The following TRPM7 variants were observed in gnomAD, a reference collection of about 807,000 sequenced individuals.
TRPM7 encodes LTRPC ion channel family member 7.
Under a neutral mutation model 229.7 loss-of-function variants are expected in TRPM7, and 134 were observed. That is an observed-to-expected ratio of 0.58 (90% confidence interval 0.51 to 0.67). TRPM7 has a LOEUF of 0.67. Among genes scored for constraint, TRPM7 ranks in the 30% least tolerant of loss-of-function variants. TRPM7 has a pLI of 0.00. For synonymous variants in TRPM7, 699 were observed against 715.2 expected (o/e 0.98, Z 0.36); for missense variants, 1,901 against 2,210.0 (o/e 0.86, Z 2.80).
At chr15:50,645,880 C>T (rs2061248147) in intron 4 of TRPM7, among the ~76,000 whole-genome samples, 1 of 152,056 alleles carries the variant, frequency 6.6e-6, no homozygotes, top group Admixed American at 6.6e-5. Context: ...GGTGGCCGGG[C>T]ATGGTGGCTC....
intron 3 of TRPM7, among the ~76,000 whole-genome samples, chr15:50,652,741 C>T (rs1044335354): frequency 6.6e-6 from 1 of 151,962 alleles, no homozygotes; most frequent in African/African-American, 2.4e-5. Flanking sequence ...TAAAACCAGC[C>T]CGTAATTCCA....
Position 50,633,116 on chromosome 15 carries a change from T to G in TRPM7, c.1008-124A>C, listed in dbSNP as rs183221286. On this transcript the variant is annotated intron_variant, in intron 8 of 38. Coordinates refer to ENST00000646667, the MANE Select transcript of TRPM7 (RefSeq NM_017672.6). ...TGGATTAATATTACATACTTCACCT[T>G]GGGTGGGATTATTTCTTCCTACATG... 199 of 775,396 alleles carry G rather than the reference T, an allele frequency of 2.6e-4. 1 individual carries two copies. The African/African-American group carries it at 3.2e-3, about 12-fold the overall frequency. 48.0% of individuals were successfully genotyped at this position (775,396 alleles called of 1,614,324 possible).
At chr15:50,664,521 A>G (rs1048227245) in intron 1 of TRPM7, among the ~76,000 whole-genome samples, 1 of 152,186 alleles carries the variant, frequency 6.6e-6, no homozygotes, top group East Asian at 1.9e-4. Flanking sequence ...ACAAACGTTA[A>G]ATCTGCCAGA....
chr15:50,603,462 C>T (rs773188520), intron 21 of TRPM7, among the ~76,000 whole-genome samples: 3 of 151,796 alleles, frequency 2.0e-5, no homozygotes, highest in African/African-American at 4.8e-5. Flanking sequence ...CCCTGCCCCC[C>T]ACCCCATGAC....
chr15:50,651,883 T>G (rs1048358267), intron 3 of TRPM7, among the ~76,000 whole-genome samples: 1 of 151,392 alleles, frequency 6.6e-6, no homozygotes, highest in African/African-American at 2.4e-5. Flanking sequence ...CAAGATTCCT[T>G]CTCAAAATAA....
chr15:50,592,075 G>A lies in TRPM7; in HGVS notation c.4160C>T (p.Ser1387Leu). The change falls in exon 26 of 39, where the codon TCA becomes TTA. Residue 1387 changes from serine (S) to leucine (L), a missense_variant. By Grantham distance (145) the Ser-to-Leu change is moderately radical (BLOSUM62 -2). Transcript: ENST00000646667. ...IFNKNQKLGS[S>L]STSIPHLSSP... ...TGACAGATGTGGTATGCTAGTAGATGAACTGCCTAATTTTTGATTTTTATT... is the reference window on the plus strand; with the variant it reads ...TGACAGATGTGGTATGCTAGTAGATAAACTGCCTAATTTTTGATTTTTATT... The A allele has an allele frequency of 6.2e-7, 1 of 1,612,598 alleles. No homozygotes were observed. The highest frequency in any genetic ancestry group is 2.2e-5 in the East Asian group (1 of 44,858).
intron 1 of TRPM7, among the ~76,000 whole-genome samples, chr15:50,672,635 T>G (rs12909531): frequency 6.6e-6 from 1 of 151,444 alleles, no homozygotes; most frequent in African/African-American, 2.4e-5. Flanking sequence ...AGTAGCCAGG[T>G]GCGGTGGCTC....
At chr15:50,571,686 G>A (rs573806170) in intron 36 of TRPM7, among the ~76,000 whole-genome samples, 10 of 152,034 alleles carry the variant, frequency 6.6e-5, no homozygotes, top group African/African-American at 1.9e-4. Flanking sequence ...CTTCACAGAA[G>A]TAGAGAAATA....
chr15:50,670,415 G>A (rs985549830), intron 1 of TRPM7, among the ~76,000 whole-genome samples: 10 of 152,054 alleles, frequency 6.6e-5, no homozygotes, highest in Non-Finnish European at 2.9e-5. Context: ...TGATAAAACA[G>A]GTTGCACTAA....
intron 5 of TRPM7, among the ~76,000 whole-genome samples, chr15:50,639,933 G>A (rs1057455549): frequency 2.6e-5 from 4 of 151,906 alleles, no homozygotes; most frequent in Non-Finnish European, 5.9e-5. Context: ...CTTAAAACAA[G>A]GTCATAGCCA....
intron 1 of TRPM7, among the ~76,000 whole-genome samples, chr15:50,679,530 A>AATATATATGTG (rs2062192608): frequency 2.2e-5 from 1 of 44,852 alleles, no homozygotes; most frequent in Non-Finnish European, 4.1e-5. Flanking sequence ...ATATATATAT[A>AATATATATGTG]TATATATATT....
Position 50,679,373 on chromosome 15 carries a change from A to G in TRPM7, c.3+7158T>C, listed in dbSNP as rs1234069602. Among the ~76,000 whole-genome samples the G allele has an allele frequency of 2.7e-5, 4 of 149,610 alleles. No homozygotes were observed. In the East Asian group the frequency reaches 7.7e-4, roughly 29 times the overall value. On this transcript the variant is annotated intron_variant, in intron 1 of 38. Transcript: ENST00000646667. ...AGAAAACTTGGACGCTTGGACGTTC[A>G]CACTGCGAGTAAGCCATATCAACCC...
intron 36 of TRPM7, among the ~76,000 whole-genome samples, chr15:50,572,761 A>G (rs1326800344): frequency 2.0e-5 from 3 of 152,240 alleles, no homozygotes; most frequent in Non-Finnish European, 4.4e-5. Context: ...AGTTGTTTTT[A>G]CATAGATTTT....
In TRPM7 at chr15:50,561,424, G is replaced by C. The variant is rs559455772; in HGVS notation, c.*254C>G. On this transcript the variant is annotated 3_prime_UTR_variant, in exon 39 of 39. Coordinates refer to ENST00000646667, the MANE Select transcript of TRPM7 (RefSeq NM_017672.6). ...CAAATGAGATCCTCTGCTATACAAAGAGCCCTTTAAAAAGTTATAAATACT... is the reference window on the plus strand; with the variant it reads ...CAAATGAGATCCTCTGCTATACAAACAGCCCTTTAAAAAGTTATAAATACT... 2.4e-5 allele frequency: 9 copies of C among 377,324 alleles called. No individual in the cohort carries two copies. The highest frequency in any genetic ancestry group is 4.5e-5 in the Admixed American group (1 of 22,432). The allele number at this position is 377,324 out of a possible 1,614,324, so 23.4% of individuals were successfully genotyped here.
chr15:50,561,503 T>G lies in TRPM7; in HGVS notation c.*175A>C. On this transcript the variant is annotated 3_prime_UTR_variant, in exon 39 of 39. Transcript: ENST00000646667. ...GCTGCCAGCTCTATCCTATAGGGAC[T>G]TTCTGACTGATTAATCAGGTCAAAA... 1.6e-6 allele frequency: 1 copy of G among 638,428 alleles called. No homozygotes were observed. The highest frequency in any genetic ancestry group is 2.6e-6 in the Non-Finnish European group (1 of 390,132). 39.5% of individuals were successfully genotyped at this position (638,428 alleles called of 1,614,324 possible). A position where few individuals can be genotyped will look rare whatever the true frequency, so the allele number is the denominator to read the frequency against.
At chr15:50,638,076 G>C (rs1048872161) in intron 6 of TRPM7, among the ~76,000 whole-genome samples, 2 of 151,314 alleles carry the variant, frequency 1.3e-5, no homozygotes, top group African/African-American at 2.4e-5. Flanking sequence ...AATTAGATGG[G>C]AGGCCGGGCG....
At chr15:50,596,120 TA>T (rs2059624147) in intron 23 of TRPM7, 134 bp downstream of exon 23, 1 of 483,126 alleles carries the variant, frequency 2.1e-6, no homozygotes, top group Admixed American at 4.6e-5. Context: ...CTCCTATTTG[TA>T]ATTTTTCAAA....
chr15:50,609,749 T>C, intron 18 of TRPM7, 25 bp from the exon 19 acceptor site: 1 of 1,575,262 alleles, frequency 6.3e-7, no homozygotes, highest in Non-Finnish European at 8.6e-7. Flanking sequence ...AAAAAAATTC[T>C]TTTGTACAAT....
intron 11 of TRPM7, among the ~76,000 whole-genome samples, chr15:50,627,086 G>A (rs186906430): frequency 1.4e-4 from 22 of 152,084 alleles, no homozygotes; most frequent in Admixed American, 8.5e-4. Context: ...CAGATGAACA[G>A]TTAATCTGCC....
Sources: gnomAD v4.1 joint callset for allele counts (sites outside exome capture counted in the v4.1 genomes callset) on GRCh38, gnomAD v4.1.1 for gene constraint, MANE v1.5 for transcripts, NCBI Gene and HGNC (gene_info 2026-07-23, HGNC 2026-07-21) for gene names.